WWTR1: variants seen among roughly 807,000 people sequenced by gnomAD.
WWTR1 encodes WW domain containing transcription regulator 1.
In WWTR1, 13 loss-of-function variants were observed where a neutral mutation model predicts 40.1. The observed-to-expected ratio is 0.32, with a 90% CI of 0.21 to 0.52. The LOEUF (loss-of-function observed/expected upper bound fraction) is 0.52. Among genes scored for constraint, WWTR1 ranks in the 20% least tolerant of loss-of-function variants. The pLI is 0.97. For synonymous variants in WWTR1, 230 were observed against 210.1 expected, an observed-to-expected ratio of 1.09 and a Z score of -0.82; for missense variants, 436 against 523.1, an observed-to-expected ratio of 0.83 and a Z score of 1.63.
rs73001944 is a variant in WWTR1, at chr3:149,720,830, T to C, written n.459+3250A>G. ...TTGTACTTTACAGTACATAGATTTT[T>C]TACATCCTTGGTAAAGTTAATTCCT... On this transcript the variant is annotated intron_variant and non_coding_transcript_variant, in intron 4 of 6. Transcript: ENST00000474080. 6.5e-3 allele frequency among the ~76,000 whole-genome samples: 997 copies of C among 152,314 alleles called. 11 individuals are homozygous for C. Among genetic ancestry groups the C allele is most frequent in the African/African-American group, 0.023 (952 of 41,566 alleles).
chr3:149,709,491 C>T (rs1007889996), intron 5 of WWTR1, among the ~76,000 whole-genome samples: 3 of 152,068 alleles, frequency 2.0e-5, no homozygotes, highest in Non-Finnish European at 2.9e-5. Flanking sequence ...TATTATTTTA[C>T]AAGGAACAGA....
chr3:149,555,117 C>A (rs562627477), intron 3 of WWTR1, among the ~76,000 whole-genome samples: 1 of 152,134 alleles, frequency 6.6e-6, no homozygotes, highest in Non-Finnish European at 1.5e-5. Context: ...ACTCCAGGTG[C>A]GAAGTATGGC....
intron 4 of WWTR1, among the ~76,000 whole-genome samples, chr3:149,530,247 T>TG (rs1223947785): frequency 6.6e-6 from 1 of 151,912 alleles, no homozygotes; most frequent in African/African-American, 2.4e-5. Flanking sequence ...CTCAGGAGGC[T>TG]GAGGCAGGAA....
At chr3:149,530,844 T>C (rs760752418) in intron 4 of WWTR1, among the ~76,000 whole-genome samples, 3 of 152,062 alleles carry the variant, frequency 2.0e-5, no homozygotes, top group Non-Finnish European at 4.4e-5. Flanking sequence ...CCGCCTTCTG[T>C]CTGTAGGGGG....
chr3:149,688,071 A>T (rs980861661), intron 1 of WWTR1, among the ~76,000 whole-genome samples: 2 of 151,844 alleles, frequency 1.3e-5, no homozygotes, highest in African/African-American at 2.4e-5. Context: ...AAGAATAAAA[A>T]GGTCATTTTC....
chr3:149,634,922 G>A (rs1403496708), intron 2 of WWTR1, among the ~76,000 whole-genome samples: 1 of 152,178 alleles, frequency 6.6e-6, no homozygotes, highest in African/African-American at 2.4e-5. Context: ...AAGACTCTGA[G>A]GCCAAACCTT....
At chr3:149,540,339 G>T in intron 4 of WWTR1, 1 of 451,640 alleles carries the variant, frequency 2.2e-6, no homozygotes, top group Non-Finnish European at 4.5e-6. Flanking sequence ...CCTACAGCTG[G>T]AATAAAGGAA....
At chr3:149,556,612 G>GT (rs1304398061) in intron 3 of WWTR1, among the ~76,000 whole-genome samples, 4 of 151,872 alleles carry the variant, frequency 2.6e-5, no homozygotes, top group Non-Finnish European at 5.9e-5. Flanking sequence ...ATGAAGGAAA[G>GT]AGGCCACTCC....
chr3:149,561,642 A>C (rs938204352), intron 3 of WWTR1, among the ~76,000 whole-genome samples: 4 of 152,236 alleles, frequency 2.6e-5, no homozygotes, highest in African/African-American at 9.6e-5. Flanking sequence ...AAATAAACTA[A>C]ATATCCAGCA....
At chr3:149,534,101 C>T (rs990312628) in intron 4 of WWTR1, among the ~76,000 whole-genome samples, 1 of 151,670 alleles carries the variant, frequency 6.6e-6, no homozygotes, top group Non-Finnish European at 1.5e-5. Context: ...ACCCAGGAGG[C>T]GGAGGTTGCA....
chr3:149,634,146 C>T (rs961633538), intron 2 of WWTR1, among the ~76,000 whole-genome samples: 1 of 152,118 alleles, frequency 6.6e-6, no homozygotes, highest in Non-Finnish European at 1.5e-5. Flanking sequence ...ATGTCAAGAC[C>T]GGTGAGAGGG....
At chr3:149,590,630 G>T (rs929827278) in intron 2 of WWTR1, among the ~76,000 whole-genome samples, 1 of 152,204 alleles carries the variant, frequency 6.6e-6, no homozygotes, top group African/African-American at 2.4e-5. Context: ...TGGGTGACAA[G>T]AGGGAGACTC....
intron 3 of WWTR1, among the ~76,000 whole-genome samples, chr3:149,560,868 GA>G: frequency 6.6e-6 from 1 of 151,918 alleles, no homozygotes; most frequent in East Asian, 1.9e-4. Context: ...TATACAAGCT[GA>G]AAAACAGAGT....
At chr3:149,670,592 C>T (rs1292851762) in intron 1 of WWTR1, among the ~76,000 whole-genome samples, 1 of 144,974 alleles carries the variant, frequency 6.9e-6, no homozygotes, top group Non-Finnish European at 1.5e-5. Context: ...TGCAGTGAGC[C>T]GAGATCATGC....
chr3:149,664,620 C>T (rs1713727226), intron 2 of WWTR1, among the ~76,000 whole-genome samples: 1 of 148,732 alleles, frequency 6.7e-6, no homozygotes, highest in South Asian at 2.1e-4. Flanking sequence ...CGGAGTTTCG[C>T]TCCTGTTGCC....
intron 2 of WWTR1, among the ~76,000 whole-genome samples, chr3:149,643,262 A>G (rs961927555): frequency 2.0e-5 from 3 of 152,250 alleles, no homozygotes; most frequent in Admixed American, 2.0e-4. Context: ...ATCTGAAACT[A>G]CAGTTACATA....
intron 2 of WWTR1, among the ~76,000 whole-genome samples, chr3:149,632,594 G>A (rs1434356619): frequency 1.3e-5 from 2 of 152,138 alleles, no homozygotes; most frequent in African/African-American, 2.4e-5. Flanking sequence ...GCCACTAAAG[G>A]AAGATCATTT....
chr3:149,532,895 AAGT>A (rs1371239428), intron 4 of WWTR1, among the ~76,000 whole-genome samples: 1 of 152,218 alleles, frequency 6.6e-6, no homozygotes, highest in Non-Finnish European at 1.5e-5. Context: ...GCACTGGATG[AAGT>A]AAGCTTCCAT....
At chr3:149,559,016 G>T (rs1484520970) in intron 3 of WWTR1, among the ~76,000 whole-genome samples, 1 of 152,088 alleles carries the variant, frequency 6.6e-6, no homozygotes, top group Non-Finnish European at 1.5e-5. Flanking sequence ...ATGTCCAGCT[G>T]GGCACGGTGG....
Sources: gnomAD v4.1 joint callset for allele counts (sites outside exome capture counted in the v4.1 genomes callset) on GRCh38, gnomAD v4.1.1 for gene constraint, MANE v1.5 for transcripts, NCBI Gene and HGNC (gene_info 2026-07-23, HGNC 2026-07-21) for gene names.